ATP13A4: variants seen among roughly 807,000 people sequenced by gnomAD.
ATP13A4 encodes probable cation-transporting ATPase 13A4.
ATP13A4 carries 114 observed loss-of-function variants against 142.5 expected under a neutral mutation model. The ratio of observed to expected loss-of-function variants is 0.80; its 90% confidence interval spans 0.69 to 0.93. ATP13A4 has a LOEUF of 0.93. Among genes scored for constraint, ATP13A4 ranks in the 40% least tolerant of loss-of-function variants. The pLI is 0.00. For missense variants in ATP13A4, 1,392 were observed against 1,454.0 expected, an observed-to-expected ratio of 0.96 and a Z score of 0.69; for synonymous variants, 488 against 514.8, an observed-to-expected ratio of 0.95 and a Z score of 0.70.
intron 1 of ATP13A4, among the ~76,000 whole-genome samples, chr3:193,531,682 G>A (rs1268737017): frequency 2.0e-5 from 3 of 152,156 alleles, no homozygotes; most frequent in African/African-American, 7.2e-5. Context: ...TGACATGAAG[G>A]TCTTTGCTGG....
At position 193,554,848 on chromosome 3, in the gene ATP13A4, C is replaced by T; in HGVS notation, c.-49G>A. ...CCCTGACCTTGTCGTGCAGACGCTT[C>T]CAGGATGAACTCCAACTCGCCGAGC... On this transcript the variant is annotated 5_prime_UTR_variant, in exon 1 of 30. Coordinates refer to ENST00000342695, the MANE Select transcript of ATP13A4 (RefSeq NM_032279.4). The T allele has an allele frequency of 6.2e-7, 1 of 1,613,686 alleles. No individual in the cohort carries two copies.
chr3:193,440,044 A>G lies in ATP13A4; in HGVS notation c.2519+514T>C. Reference sequence around the variant, plus strand: ...TTTGGACTGCCCATTCTGTCTAGGAATGGAGACCCTTTGTGTTAGAAGAGA... The same window carrying G: ...TTTGGACTGCCCATTCTGTCTAGGAGTGGAGACCCTTTGTGTTAGAAGAGA... On this transcript the variant is annotated intron_variant, in intron 21 of 29. Coordinates refer to ENST00000342695, the MANE Select transcript of ATP13A4 (RefSeq NM_032279.4). 3 of 168,102 alleles carry G rather than the reference A, an allele frequency of 1.8e-5. 1 individual carries two copies. The highest frequency in any genetic ancestry group is 3.1e-4 in the South Asian group (2 of 6,442). 10.4% of individuals were successfully genotyped at this position (168,102 alleles called of 1,614,324 possible). A position where few individuals can be genotyped will look rare whatever the true frequency, so the allele number is the denominator to read the frequency against.
chr3:193,438,479 T>C lies in ATP13A4; in HGVS notation c.2668A>G (p.Ile890Val), dbSNP rs137966503. 2 of 1,607,006 alleles carry C rather than the reference T, an allele frequency of 1.2e-6. No homozygotes were observed. Among genetic ancestry groups the C allele is most frequent in the African/African-American group, 2.7e-5 (2 of 74,784 alleles). Residue 890 changes from isoleucine to valine, a missense_variant, in exon 23 of 30, where the codon ATC (isoleucine) becomes GTC (valine). Coordinates refer to ENST00000342695, the MANE Select transcript of ATP13A4 (RefSeq NM_032279.4). ...TTTGAGGAAGTGCCTACTTACTTGA[T>C]AAGGTGAGGTACGCACTCAATGTTT... ...TPNIECVPHL[I>V]KEGRAALVTS...
chr3:193,462,680 A>C, intron 13 of ATP13A4, 82 bp downstream of exon 13: 1 of 1,347,660 alleles, frequency 7.4e-7, no homozygotes, highest in Non-Finnish European at 1.1e-6. Flanking sequence ...AAATGTCTCC[A>C]TTCTTAATTT....
chr3:193,504,802 C>A (rs1402590611), intron 2 of ATP13A4, among the ~76,000 whole-genome samples: 1 of 152,142 alleles, frequency 6.6e-6, no homozygotes, highest in Non-Finnish European at 1.5e-5. Flanking sequence ...AGACCAGAGA[C>A]CTCTTGCCAC....
chr3:193,590,592 G>C (rs972748280), intron 1 of ATP13A4, among the ~76,000 whole-genome samples: 2 of 152,124 alleles, frequency 1.3e-5, no homozygotes, highest in South Asian at 2.1e-4. Flanking sequence ...TGAGCAACGA[G>C]GGAGTTAGCT....
At chr3:193,505,589 T>G (rs746209377) in intron 2 of ATP13A4, among the ~76,000 whole-genome samples, 2 of 152,174 alleles carry the variant, frequency 1.3e-5, no homozygotes, top group Non-Finnish European at 2.9e-5. Context: ...ATTCTACTAA[T>G]TATGTATCAT....
intron 25 of ATP13A4, among the ~76,000 whole-genome samples, chr3:193,418,210 A>G (rs372999191): frequency 7.4e-5 from 9 of 121,852 alleles, no homozygotes; most frequent in African/African-American, 2.6e-4. Flanking sequence ...CCAGCTACTC[A>G]GGAGGCTGAG....
At chr3:193,446,799 GT>G (rs1231168348) in intron 18 of ATP13A4, among the ~76,000 whole-genome samples, 17 of 152,166 alleles carry the variant, frequency 1.1e-4, no homozygotes, top group Non-Finnish European at 2.1e-4. Flanking sequence ...AAGTTAAAAA[GT>G]TTATGTGCAG....
At chr3:193,420,979 A>G (rs978687392) in intron 25 of ATP13A4, among the ~76,000 whole-genome samples, 1 of 149,906 alleles carries the variant, frequency 6.7e-6, no homozygotes, top group African/African-American at 2.5e-5. Flanking sequence ...AGAGACAAAG[A>G]TAGAAACAAA....
intron 27 of ATP13A4, 142 bp downstream of exon 27, chr3:193,412,036 G>A (rs1391950683): frequency 6.0e-5 from 44 of 727,906 alleles, no homozygotes; most frequent in Non-Finnish European, 8.8e-5. Context: ...GAGGCTGTAC[G>A]ATGTGTTTTG....
In ATP13A4 at chr3:193,402,406, G is replaced by C; in HGVS notation, c.*246C>G. On this transcript the variant is annotated 3_prime_UTR_variant, in exon 30 of 30. Transcript: ENST00000342695. ...TGTCTCTTGGCCCATAGAAATTCTTGGCCCATTCTTGCCTTCACTGAATGC... is the reference window on the plus strand; with the variant it reads ...TGTCTCTTGGCCCATAGAAATTCTTCGCCCATTCTTGCCTTCACTGAATGC... 1 of 478,060 alleles carries C rather than the reference G, an allele frequency of 2.1e-6. No individual in the cohort carries two copies. Among genetic ancestry groups the C allele is most frequent in the Admixed American group, 3.6e-5 (1 of 28,116 alleles). 29.6% of individuals were successfully genotyped at this position (478,060 alleles called of 1,614,324 possible).
chr3:193,572,071 C>T (rs111832497), intron 2 of ATP13A4, among the ~76,000 whole-genome samples: 4,510 of 152,176 alleles, frequency 0.03, 76 homozygotes, highest in African/African-American at 0.035. Flanking sequence ...CATGGCAAAA[C>T]CCCGCCTCTA....
chr3:193,479,615 A>G (rs1049823835), intron 8 of ATP13A4, among the ~76,000 whole-genome samples: 61 of 152,170 alleles, frequency 4.0e-4, no homozygotes, highest in African/African-American at 1.4e-3. Context: ...GAAAAATTAT[A>G]AACGATACAA....
chr3:193,466,128 A>G lies in ATP13A4; in HGVS notation c.1169T>C (p.Val390Ala). ...LVRSILYPKPVNFQLYRDAIR... is the reference protein window; with the variant it reads ...LVRSILYPKPANFQLYRDAIR... ...GGCATCCCTGTACAACTGAAAATTC[A>G]CTGGCTTAGGGTAGAGAATGGATCT... The change falls in exon 11 of 30, where the codon GTG becomes GCG. Residue 390 changes from valine (V) to alanine (A), a missense_variant. Coordinates refer to ENST00000342695, the MANE Select transcript of ATP13A4 (RefSeq NM_032279.4). 1 of 1,614,138 alleles carries G rather than the reference A, an allele frequency of 6.2e-7. No homozygotes were observed. The highest frequency in any genetic ancestry group is 8.5e-7 in the Non-Finnish European group (1 of 1,180,010).
At chr3:193,516,277 A>G (rs1215713594) in intron 1 of ATP13A4, among the ~76,000 whole-genome samples, 2 of 152,226 alleles carry the variant, frequency 1.3e-5, no homozygotes, top group Non-Finnish European at 1.5e-5. Flanking sequence ...TTTTGTGTGT[A>G]AACATTAGAT....
At chr3:193,417,829 CA>C (rs1183711818) in intron 25 of ATP13A4, among the ~76,000 whole-genome samples, 2 of 145,024 alleles carry the variant, frequency 1.4e-5, no homozygotes, top group African/African-American at 5.1e-5. Flanking sequence ...ACTAAAAATA[CA>C]AAAAATTAGC....
chr3:193,560,456 C>T (rs891371343), intron 2 of ATP13A4, among the ~76,000 whole-genome samples: 2 of 152,182 alleles, frequency 1.3e-5, no homozygotes, highest in African/African-American at 4.8e-5. Flanking sequence ...CATCCACCCA[C>T]CTCTGTCTCC....
At chr3:193,514,273 T>C (rs1216899397) in intron 2 of ATP13A4, among the ~76,000 whole-genome samples, 1 of 152,164 alleles carries the variant, frequency 6.6e-6, no homozygotes, top group Non-Finnish European at 1.5e-5. Context: ...GTATGTGTTG[T>C]TCCCTTCTAT....
Sources: gnomAD v4.1 joint callset for allele counts (sites outside exome capture counted in the v4.1 genomes callset) on GRCh38, gnomAD v4.1.1 for gene constraint, MANE v1.5 for transcripts, NCBI Gene and HGNC (gene_info 2026-07-23, HGNC 2026-07-21) for gene names.